The following ARSF variants were observed in gnomAD, a reference collection of about 807,000 sequenced individuals.
ARSF encodes the protein arylsulfatase F.
ARSF carries 33 observed loss-of-function variants against 35.4 expected under a neutral mutation model. That is an observed-to-expected ratio of 0.93 (90% confidence interval 0.71 to 1.25). The LOEUF (loss-of-function observed/expected upper bound fraction) is 1.25. Ranked by LOEUF, ARSF falls within the 50% of genes most tolerant of loss-of-function variation. ARSF has a pLI of 0.00. For synonymous variants in ARSF, 222 were observed against 193.1 expected, an observed-to-expected ratio of 1.15 and a Z score of -1.24; for missense variants, 501 against 480.2, an observed-to-expected ratio of 1.04 and a Z score of -0.40.
At chrX:3,086,559 G>A (rs764499501) in intron 6 of ARSF, among the ~76,000 whole-genome samples, 1 of 112,149 alleles carries the variant, frequency 8.9e-6, no homozygotes, top group Non-Finnish European at 1.9e-5. Flanking sequence ...GCTCATGCCT[G>A]TAATTCCAGC....
chrX:3,102,121 T>C (rs988649951), intron 8 of ARSF, among the ~76,000 whole-genome samples: 1 of 111,507 alleles, frequency 9.0e-6, no homozygotes, highest in African/African-American at 3.3e-5. Context: ...ATTGTTATTA[T>C]AGACATTCTA....
intron 5 of ARSF, 126 bp from the exon 6 acceptor site, chrX:3,084,117 T>G: frequency 2.4e-6 from 2 of 829,480 alleles, no homozygotes; most frequent in South Asian, 5.2e-5. Context: ...AAGGAGAATA[T>G]CTCTGCTACT....
At chrX:3,109,950 C>T (rs956370403) in intron 9 of ARSF, among the ~76,000 whole-genome samples, 178 bp from the exon 10 acceptor site, 1 of 111,753 alleles carries the variant, frequency 8.9e-6, no homozygotes, top group African/African-American at 3.3e-5. Context: ...TAGCTTTCTT[C>T]TCTTGTCCAC....
rs746585324 is a variant in ARSF, at chrX:3,080,965, A to G, written c.358A>G (p.Thr120Ala). The G allele has an allele frequency of 4.6e-5, 56 of 1,209,987 alleles. No individual in the cohort carries two copies. The Middle Eastern group carries it at 6.9e-4, about 15-fold the overall frequency. Residue 120 changes from threonine (T) to alanine (A), a missense_variant, in exon 5 of 11, where the codon ACA becomes GCA. Transcript: ENST00000381127. ...CGCAGGCCTCCCTCTTAATGAGACAACACTTGCAGCCTTGCTAAAGAAGCA... is the reference window on the plus strand; with the variant it reads ...CGCAGGCCTCCCTCTTAATGAGACAGCACTTGCAGCCTTGCTAAAGAAGCA... ...VPAGLPLNET[T>A]LAALLKKQGY... is the part of the protein sequence containing the mutation.
chrX:3,078,674 A>G (rs1205464890), intron 4 of ARSF, among the ~76,000 whole-genome samples: 4 of 110,391 alleles, frequency 3.6e-5, no homozygotes, highest in African/African-American at 1.3e-4. Flanking sequence ...TAATTTTTGT[A>G]TTTTTGGTAG....
intron 4 of ARSF, among the ~76,000 whole-genome samples, chrX:3,080,533 C>T (rs1338698722): frequency 9.0e-6 from 1 of 110,723 alleles, no homozygotes; most frequent in Non-Finnish European, 1.9e-5. Flanking sequence ...ATACCATAGA[C>T]TGGGAGGCTT....
intron 7 of ARSF, among the ~76,000 whole-genome samples, chrX:3,096,939 C>T (rs955090038): frequency 9.0e-6 from 1 of 110,729 alleles, no homozygotes; most frequent in Admixed American, 9.7e-5. Flanking sequence ...GGTCCTAATC[C>T]GATATGGTGA....
intron 1 of ARSF, among the ~76,000 whole-genome samples, chrX:3,059,198 C>T (rs2090031552): frequency 1.8e-5 from 2 of 111,494 alleles, no homozygotes; most frequent in African/African-American, 6.5e-5. Flanking sequence ...CACGGTGGCT[C>T]ATGCTTGTAA....
Position 3,064,192 on chromosome X carries a change from C to T in ARSF, c.-28-3881C>T, listed in dbSNP as rs1234486079. Among the ~76,000 whole-genome samples, 3 of 111,775 alleles carry T rather than the reference C, an allele frequency of 2.7e-5. No homozygotes were observed. The East Asian group carries it at 8.4e-4, about 31-fold the overall frequency. On this transcript the variant is annotated intron_variant, in intron 1 of 10. Transcript: ENST00000381127. Reference sequence around the variant, plus strand: ...GATCTTTGACAAACCTGACAAAAACCAGAAATGGGGAAAAGATTCCCTATT... The same window carrying T: ...GATCTTTGACAAACCTGACAAAAACTAGAAATGGGGAAAAGATTCCCTATT...
chrX:3,059,180 C>T (rs1009778755), intron 1 of ARSF, among the ~76,000 whole-genome samples: 12 of 111,333 alleles, frequency 1.1e-4, no homozygotes, highest in African/African-American at 2.0e-4. Context: ...ATTGAAAATG[C>T]GGCCAGGCAC....
chrX:3,112,367 T>C lies in ARSF; in HGVS notation c.1584T>C (p.Asp528=). 1 of 1,211,181 alleles carries C rather than the reference T, an allele frequency of 8.3e-7. No individual in the cohort carries two copies. Among genetic ancestry groups the C allele is most frequent in the Non-Finnish European group, 1.1e-6 (1 of 895,379 alleles). ...CACCTGCCACAGAGCCCCTCCATGA[T>C]TTTGTGATTAAAAAGGTGGCCAACG... ...PLTPATEPLH[D]FVIKKVANAL... Residue 528 remains aspartate, a synonymous_variant, in exon 11 of 11, where the codon GAT becomes GAC. Transcript: ENST00000381127.
intron 7 of ARSF, among the ~76,000 whole-genome samples, chrX:3,091,709 C>T (rs1286893063): frequency 9.0e-6 from 1 of 111,706 alleles, no homozygotes; most frequent in African/African-American, 3.2e-5. Context: ...GTGTGTGTGT[C>T]TGTGTCTGTA....
chrX:3,050,722 G>A (rs1285912968), intron 1 of ARSF, among the ~76,000 whole-genome samples: 1 of 110,787 alleles, frequency 9.0e-6, no homozygotes, highest in African/African-American at 3.3e-5. Context: ...CTTCCCTTGG[G>A]GTTGGGCTGT....
At chrX:3,067,722 G>T (rs1204129520) in intron 1 of ARSF, among the ~76,000 whole-genome samples, 1 of 110,371 alleles carries the variant, frequency 9.1e-6, no homozygotes, top group Admixed American at 9.8e-5. Context: ...AGCCGGGCGT[G>T]GTGGTGCACG....
At chrX:3,063,721 T>C (rs2090051854) in intron 1 of ARSF, among the ~76,000 whole-genome samples, 1 of 111,103 alleles carries the variant, frequency 9.0e-6, no homozygotes, top group Non-Finnish European at 1.9e-5. Flanking sequence ...ACAAAGAGAA[T>C]AAAATACCTA....
intron 7 of ARSF, among the ~76,000 whole-genome samples, chrX:3,098,283 C>T (rs750052748): frequency 4.5e-5 from 5 of 110,053 alleles, no homozygotes; most frequent in Admixed American, 9.8e-5. Context: ...TTTTTTAACA[C>T]GAAGATTTTC....
chrX:3,071,127 A>C (rs1321693861), intron 2 of ARSF, among the ~76,000 whole-genome samples: 2 of 111,375 alleles, frequency 1.8e-5, no homozygotes, highest in African/African-American at 6.5e-5. Flanking sequence ...AGAAGTGCCC[A>C]AAGAAATGCG....
intron 5 of ARSF, among the ~76,000 whole-genome samples, chrX:3,082,196 G>A (rs937246977): frequency 1.8e-5 from 2 of 111,830 alleles, no homozygotes; most frequent in Non-Finnish European, 3.8e-5. Context: ...GGTGTGGTAC[G>A]TTTTACTGAA....
chrX:3,042,919 G>T (rs968097383), intron 1 of ARSF, among the ~76,000 whole-genome samples: 1 of 110,984 alleles, frequency 9.0e-6, no homozygotes, highest in Admixed American at 9.6e-5. Context: ...CACTTTGGGA[G>T]GCTGAGGCAG....
Sources: allele counts gnomAD v4.1 joint callset (sites outside exome capture counted in the v4.1 genomes callset), GRCh38; gene constraint gnomAD v4.1.1; transcripts MANE v1.5; gene names NCBI Gene and HGNC (gene_info 2026-07-23, HGNC 2026-07-21).